The following PIK3R1 variants were observed in gnomAD, a reference collection of about 807,000 sequenced individuals.
The protein encoded by PIK3R1 is phosphoinositide-3-kinase regulatory subunit 1.
PIK3R1 carries 29 observed loss-of-function variants against 98.0 expected under a neutral mutation model. That is an observed-to-expected ratio of 0.30 (90% CI 0.22 to 0.40). The LOEUF (loss-of-function observed/expected upper bound fraction) is 0.40. Among genes scored for constraint, PIK3R1 ranks in the 10% least tolerant of loss-of-function variants. PIK3R1 has a pLI of 1.00. For missense variants in PIK3R1, 596 were observed against 872.7 expected (o/e 0.68, Z 3.99); for synonymous variants, 282 against 311.8 (o/e 0.90, Z 1.01).
At chr5:68,235,115 T>C (rs112260979) in intron 2 of PIK3R1, among the ~76,000 whole-genome samples, 4,294 of 152,162 alleles carry the variant, frequency 0.028, 214 homozygotes, top group African/African-American at 0.099. Flanking sequence ...AAAAAATAAT[T>C]TTTGAGGCCA....
chr5:68,292,154 C>G (rs2112243676), intron 7 of PIK3R1, 105 bp from the exon 8 acceptor site: 1 of 640,028 alleles, frequency 1.6e-6, no homozygotes, highest in East Asian at 2.7e-5. Flanking sequence ...CTATATATTT[C>G]AGTTACTCTA....
chr5:68,216,441 T>C (rs1743885943), intron 1 of PIK3R1, among the ~76,000 whole-genome samples: 1 of 151,996 alleles, frequency 6.6e-6, no homozygotes, highest in Admixed American at 6.5e-5. Flanking sequence ...GCCCGGGCCC[T>C]TCCCGGGGCG....
At position 68,295,078 on chromosome 5, in the gene PIK3R1, C is replaced by T. The variant is rs1434402065; in HGVS notation, c.1569-70C>T. On this transcript the variant is annotated intron_variant, in intron 12 of 15. Transcript: ENST00000521381. The stretch of plus-strand genomic sequence containing the variant: ...AAACTGCTGGGAAACCATAGTGAAA[C>T]TTTTCATAAACTTTGGGGACCGTTC... 3.9e-6 allele frequency: 5 copies of T among 1,298,502 alleles called. No individual in the cohort carries two copies. In the African/African-American group the frequency reaches 7.5e-5, roughly 20 times the overall value. 80.4% of individuals were successfully genotyped at this position (1,298,502 alleles called of 1,614,324 possible).
At chr5:68,257,079 A>G (rs1427383820) in intron 2 of PIK3R1, among the ~76,000 whole-genome samples, 1 of 152,220 alleles carries the variant, frequency 6.6e-6, no homozygotes, top group Non-Finnish European at 1.5e-5. Flanking sequence ...TGGGAGCACC[A>G]CAGAAGCAAG....
chr5:68,277,826 T>G (rs1392597990), intron 4 of PIK3R1, among the ~76,000 whole-genome samples: 1 of 152,176 alleles, frequency 6.6e-6, no homozygotes, highest in Non-Finnish European at 1.5e-5. Flanking sequence ...TCACCTTGAT[T>G]CAGAGAACTA....
chr5:68,245,303 C>A (rs1745040021), intron 2 of PIK3R1, among the ~76,000 whole-genome samples: 1 of 151,780 alleles, frequency 6.6e-6, no homozygotes. Context: ...AGAATTTAGA[C>A]AAATATGCTT....
rs373752070 is a variant in PIK3R1 at position 68,299,226 on chromosome 5, G to GA, written c.*1635dup. ...CATGACCAGCAAATACTCATTTTAG[G>GA]AAAAAAAAAAGCATGATCTGAAAAA... On this transcript the variant is annotated 3_prime_UTR_variant, in exon 16 of 16. Coordinates refer to ENST00000521381, the MANE Select transcript of PIK3R1 (RefSeq NM_181523.3). The GA allele has an allele frequency of 1.9e-3, 402 of 216,888 alleles. 1 individual carries two copies. The highest frequency in any genetic ancestry group is 4.8e-3 in the East Asian group (73 of 15,234). 13.4% of individuals were successfully genotyped at this position (216,888 alleles called of 1,614,324 possible). A position where few individuals can be genotyped will look rare whatever the true frequency, so the allele number is the denominator to read the frequency against.
chr5:68,266,546 G>C (rs1318887554), intron 2 of PIK3R1, among the ~76,000 whole-genome samples: 1 of 152,192 alleles, frequency 6.6e-6, no homozygotes, highest in East Asian at 1.9e-4. Flanking sequence ...AGCATAATCA[G>C]AAAGTATTAA....
At position 68,301,442 on chromosome 5, in the gene PIK3R1, A is replaced by G. The variant is rs868563797; in HGVS notation, c.*3841A>G. On this transcript the variant is annotated 3_prime_UTR_variant, in exon 16 of 16. Transcript: ENST00000521381. ...TATATATATATATATATGTGTGTGT[A>G]TATATATATATATGTGTATATATAT... 4,223 of 93,566 alleles carry G rather than the reference A, an allele frequency of 0.045. 195 individuals are homozygous for G. The highest frequency in any genetic ancestry group is 0.054 in the Non-Finnish European group (2,558 of 47,620). 5.8% of individuals were successfully genotyped at this position (93,566 alleles called of 1,614,324 possible).
At chr5:68,297,195 C>G (rs1747769326) in intron 15 of PIK3R1, among the ~76,000 whole-genome samples, 1 of 152,188 alleles carries the variant, frequency 6.6e-6, no homozygotes, top group African/African-American at 2.4e-5. Context: ...ATGTATTTTA[C>G]TATTGTCTTC....
intron 4 of PIK3R1, among the ~76,000 whole-genome samples, chr5:68,277,804 T>C (rs1310620584): frequency 1.3e-5 from 2 of 152,200 alleles, no homozygotes; most frequent in Non-Finnish European, 2.9e-5. Flanking sequence ...TGCATTAGAA[T>C]TCAGACCCCC....
At position 68,298,817 on chromosome 5, in the gene PIK3R1, G is replaced by A. The variant is rs141513458; in HGVS notation, c.*1216G>A. On this transcript the variant is annotated 3_prime_UTR_variant, in exon 16 of 16. Coordinates refer to ENST00000521381, the MANE Select transcript of PIK3R1 (RefSeq NM_181523.3). ...TGTTGTTTTAAGACTCTTAAAATAC[G>A]GTACCTGGCAATGTTTATTTCATAA... is the stretch of plus-strand genomic sequence containing the variant. 314 of 232,696 alleles carry A rather than the reference G, an allele frequency of 1.3e-3. No individual in the cohort carries two copies. The highest frequency in any genetic ancestry group is 2.1e-3 in the Non-Finnish European group (253 of 117,706). The allele number at this position is 232,696 out of a possible 1,614,324, so 14.4% of individuals were successfully genotyped here.
intron 2 of PIK3R1, among the ~76,000 whole-genome samples, chr5:68,237,722 A>G (rs1744718393): frequency 6.9e-6 from 1 of 143,926 alleles, no homozygotes; most frequent in African/African-American, 2.8e-5. Flanking sequence ...AGATAGGAAG[A>G]AAAAAAAAAA....
intron 7 of PIK3R1, 57 bp downstream of exon 7, chr5:68,281,063 A>C: frequency 8.7e-7 from 1 of 1,150,158 alleles, no homozygotes; most frequent in Non-Finnish European, 1.3e-6. Flanking sequence ...GAGCCTTAAA[A>C]AATGATGGCT....
chr5:68,297,491 A>G lies in PIK3R1; in HGVS notation c.2065A>G (p.Ser689Gly). 1.2e-6 allele frequency: 2 copies of G among 1,614,230 alleles called. No homozygotes were observed. Among genetic ancestry groups the G allele is most frequent in the Non-Finnish European group, 1.7e-6 (2 of 1,180,020 alleles). Residue 689 changes from serine to glycine, a missense_variant, in exon 16 of 16, where the codon AGC becomes GGC. This residue lies in a region of PIK3R1 where 207 missense variants were observed against 361.4 expected (regional missense o/e 0.57). Transcript: ENST00000521381. ...YGFAEPYNLY[S>G]SLKELVLHYQ... ...CTTTGCCGAGCCCTATAACTTGTAC[A>G]GCTCTCTGAAAGAACTGGTGCTACA...
At chr5:68,228,462 TCAAAAGC>T (rs1316124238) in intron 2 of PIK3R1, among the ~76,000 whole-genome samples, 1 of 152,222 alleles carries the variant, frequency 6.6e-6, no homozygotes, top group Non-Finnish European at 1.5e-5. Flanking sequence ...ATTATATTGT[TCAAAAGC>T]CAAAGTTAAT....
At chr5:68,267,387 A>G (rs911997411) in intron 2 of PIK3R1, among the ~76,000 whole-genome samples, 3 of 152,232 alleles carry the variant, frequency 2.0e-5, no homozygotes, top group Non-Finnish European at 4.4e-5. Context: ...ACGAATGGAC[A>G]GAGGATCTCA....
At chr5:68,288,553 G>C in intron 7 of PIK3R1, 1 of 1,499,258 alleles carries the variant, frequency 6.7e-7, no homozygotes, top group Non-Finnish European at 8.8e-7. Flanking sequence ...CACTGTGCAC[G>C]CCCGGAGGGT....
intron 8 of PIK3R1, 136 bp downstream of exon 8, chr5:68,292,497 G>C: frequency 6.6e-7 from 1 of 1,504,812 alleles, no homozygotes; most frequent in Non-Finnish European, 9.0e-7. Flanking sequence ...AAGACGACCA[G>C]AAAAAGTCAC....
Sources: gnomAD v4.1 joint callset for allele counts (sites outside exome capture counted in the v4.1 genomes callset) on GRCh38, gnomAD v4.1.1 for gene constraint, gnomAD v4.1.1 regional missense constraint, MANE v1.5 for transcripts, NCBI Gene and HGNC (gene_info 2026-07-23, HGNC 2026-07-21) for gene names.